The following CNTNAP2 variants were observed in gnomAD, a reference collection of about 807,000 sequenced individuals.
CNTNAP2 encodes contactin associated protein 2.
A neutral mutation model predicts 155.2 loss-of-function variants in CNTNAP2; 98 were observed. The observed-to-expected ratio is 0.63, with a 90% CI of 0.54 to 0.75. CNTNAP2 has a LOEUF of 0.75. Among genes scored for constraint, CNTNAP2 ranks in the 30% least tolerant of loss-of-function variants. The pLI is 0.00. For missense variants in CNTNAP2, 1,727 were observed against 1,688.1 expected (o/e 1.02, Z -0.40); for synonymous variants, 651 against 631.2 (o/e 1.03, Z -0.47).
At chr7:148,289,663 A>G (rs1797156344) in intron 21 of CNTNAP2, among the ~76,000 whole-genome samples, 1 of 152,206 alleles carries the variant, frequency 6.6e-6, no homozygotes, top group Non-Finnish European at 1.5e-5. Flanking sequence ...GGTGGCATCA[A>G]AATAGCCAAT....
At chr7:146,892,813 T>C (rs889630588) in intron 3 of CNTNAP2, among the ~76,000 whole-genome samples, 4 of 152,176 alleles carry the variant, frequency 2.6e-5, no homozygotes, top group Non-Finnish European at 4.4e-5. Context: ...CTTTAATGAT[T>C]TATTTTTTAC....
At chr7:146,372,664 A>T (rs1160888791) in intron 1 of CNTNAP2, among the ~76,000 whole-genome samples, 2 of 152,208 alleles carry the variant, frequency 1.3e-5, no homozygotes, top group African/African-American at 2.4e-5. Flanking sequence ...ATAAACCTAG[A>T]CGTACCCTAA....
At chr7:146,161,217 A>G (rs772452932) in intron 1 of CNTNAP2, among the ~76,000 whole-genome samples, 1 of 152,212 alleles carries the variant, frequency 6.6e-6, no homozygotes, top group Non-Finnish European at 1.5e-5. Context: ...AATAAGAGCT[A>G]TGTATGACAA....
At chr7:147,455,670 A>T (rs551700223) in intron 10 of CNTNAP2, among the ~76,000 whole-genome samples, 9 of 152,222 alleles carry the variant, frequency 5.9e-5, no homozygotes, top group African/African-American at 1.9e-4. Context: ...ATCAATGAAA[A>T]ATCTGGCAAA....
At chr7:147,497,768 C>A (rs1316045351) in intron 11 of CNTNAP2, among the ~76,000 whole-genome samples, 1 of 152,134 alleles carries the variant, frequency 6.6e-6, no homozygotes, top group Non-Finnish European at 1.5e-5. Context: ...TAGAGATTTC[C>A]TGAGATAATA....
chr7:146,646,422 TATAA>T (rs1563170722), intron 1 of CNTNAP2, among the ~76,000 whole-genome samples: 2 of 152,184 alleles, frequency 1.3e-5, no homozygotes, highest in Non-Finnish European at 1.5e-5. Flanking sequence ...AGGGTTCAGG[TATAA>T]ATAAATCTGT....
At chr7:147,074,381 A>G (rs963355551) in intron 4 of CNTNAP2, among the ~76,000 whole-genome samples, 2 of 152,120 alleles carry the variant, frequency 1.3e-5, no homozygotes, top group Non-Finnish European at 2.9e-5. Flanking sequence ...TCACATCTGC[A>G]TATGGCACTG....
chr7:146,256,631 T>G (rs1799842045), intron 1 of CNTNAP2, among the ~76,000 whole-genome samples: 1 of 151,702 alleles, frequency 6.6e-6, no homozygotes, highest in Admixed American at 6.6e-5. Context: ...AAATGCCAAT[T>G]AAAAATATAA....
At chr7:147,275,828 A>G (rs945332786) in intron 8 of CNTNAP2, among the ~76,000 whole-genome samples, 18 of 151,756 alleles carry the variant, frequency 1.2e-4, no homozygotes, top group African/African-American at 4.4e-4. Context: ...TACTATTTTG[A>G]GGTATGTTCC....
At chr7:147,328,497 C>A (rs555057399) in intron 9 of CNTNAP2, among the ~76,000 whole-genome samples, 2 of 152,052 alleles carry the variant, frequency 1.3e-5, no homozygotes, top group Admixed American at 1.3e-4. Context: ...AGGACTGGGA[C>A]GACTGAATCG....
intron 13 of CNTNAP2, among the ~76,000 whole-genome samples, chr7:147,784,036 T>C (rs903468000): frequency 8.5e-5 from 13 of 152,104 alleles, no homozygotes; most frequent in Non-Finnish European, 1.8e-4. Context: ...TGGGAGCCCT[T>C]AGAGTTCCTT....
chr7:148,358,347 G>A (rs1798557151), intron 21 of CNTNAP2, among the ~76,000 whole-genome samples: 1 of 152,200 alleles, frequency 6.6e-6, no homozygotes, highest in African/African-American at 2.4e-5. Flanking sequence ...GGGGGAAGAA[G>A]GCAAGATGGC....
chr7:147,420,578 T>C (rs10500189), intron 10 of CNTNAP2, among the ~76,000 whole-genome samples: 2,480 of 152,290 alleles, frequency 0.016, 65 homozygotes, highest in African/African-American at 0.056. Flanking sequence ...TTCTGTCACT[T>C]TCTGCAACAG....
intron 1 of CNTNAP2, among the ~76,000 whole-genome samples, chr7:146,634,891 A>G (rs764472067): frequency 9.2e-5 from 14 of 152,206 alleles, no homozygotes; most frequent in Non-Finnish European, 1.8e-4. Context: ...CAGGAATGAG[A>G]CTTTAATAAT....
intron 11 of CNTNAP2, among the ~76,000 whole-genome samples, chr7:147,497,423 T>A (rs186387642): frequency 6.6e-6 from 1 of 152,310 alleles, no homozygotes; most frequent in East Asian, 1.9e-4. Context: ...AATGTCCTAA[T>A]ACTCTCTGCC....
At chr7:148,285,123 T>G (rs183933342) in intron 21 of CNTNAP2, among the ~76,000 whole-genome samples, 35 of 152,386 alleles carry the variant, frequency 2.3e-4, no homozygotes, top group Admixed American at 5.2e-4. Flanking sequence ...TTAATGGGAC[T>G]GTTATGTTTT....
intron 14 of CNTNAP2, among the ~76,000 whole-genome samples, chr7:147,966,828 G>C (rs1330997189): frequency 6.6e-6 from 1 of 152,108 alleles, no homozygotes; most frequent in Non-Finnish European, 1.5e-5. Context: ...CACCCACCCA[G>C]GGGCCATCAA....
chr7:147,194,102 C>A (rs1802735812), intron 8 of CNTNAP2, among the ~76,000 whole-genome samples: 1 of 151,224 alleles, frequency 6.6e-6, no homozygotes, highest in South Asian at 2.1e-4. Flanking sequence ...CCCCAACAGG[C>A]CCTGGTGTGT....
intron 9 of CNTNAP2, among the ~76,000 whole-genome samples, chr7:147,327,646 G>A (rs928691392): frequency 6.6e-5 from 10 of 152,096 alleles, no homozygotes; most frequent in African/African-American, 2.4e-4. Flanking sequence ...TTATGAATGT[G>A]CATTATTTTT....
Sources: allele counts gnomAD v4.1 joint callset (sites outside exome capture counted in the v4.1 genomes callset), GRCh38; gene constraint gnomAD v4.1.1; transcripts MANE v1.5; gene names NCBI Gene and HGNC (gene_info 2026-07-23, HGNC 2026-07-21).